The following AKR1D1 variants were observed in gnomAD, a reference collection of about 807,000 sequenced individuals.
AKR1D1 encodes the protein delta(4)-3-ketosteroid 5-beta-reductase.
In AKR1D1, 32 loss-of-function variants were observed where a neutral mutation model predicts 42.6. The ratio of observed to expected loss-of-function variants is 0.75; its 90% confidence interval spans 0.57 to 1.01. AKR1D1 has a LOEUF of 1.01. Ranked by LOEUF, AKR1D1 falls within the 50% of genes least tolerant of loss-of-function variation. The probability of loss-of-function intolerance (pLI) is 0.00; values close to 1 mark genes in which losing one functional copy is unlikely to be tolerated. For synonymous variants in AKR1D1, 123 were observed against 135.5 expected (o/e 0.91, Z 0.64); for missense variants, 364 against 402.2 (o/e 0.91, Z 0.81).
intron 2 of AKR1D1, among the ~76,000 whole-genome samples, chr7:138,090,101 C>CTA (rs1794033530): frequency 6.6e-6 from 1 of 152,140 alleles, no homozygotes; most frequent in Admixed American, 6.5e-5. Context: ...TATCATCAGC[C>CTA]TATGCCCAGG....
intron 1 of AKR1D1, among the ~76,000 whole-genome samples, chr7:138,077,934 G>T (rs893881465): frequency 6.6e-6 from 1 of 152,138 alleles, no homozygotes; most frequent in African/African-American, 2.4e-5. Context: ...GATTACCAAG[G>T]ACCTTGAACA....
chr7:138,108,178 T>C (rs2117465744), intron 7 of AKR1D1, among the ~76,000 whole-genome samples: 1 of 152,324 alleles, frequency 6.6e-6, no homozygotes, highest in South Asian at 2.1e-4. Flanking sequence ...TGCCTTTACT[T>C]CCCTCTATAA....
At chr7:138,080,728 C>T (rs1227124616) in intron 1 of AKR1D1, among the ~76,000 whole-genome samples, 1 of 152,114 alleles carries the variant, frequency 6.6e-6, no homozygotes. Flanking sequence ...TAACAGTGCC[C>T]ACTTCACTTC....
intron 4 of AKR1D1, among the ~76,000 whole-genome samples, chr7:138,103,946 A>G (rs1375280231): frequency 6.6e-6 from 1 of 152,104 alleles, no homozygotes; most frequent in Admixed American, 6.5e-5. Context: ...CCTGGGCAAC[A>G]TAATGAGACC....
At chr7:138,085,838 T>C (rs943662433) in intron 1 of AKR1D1, among the ~76,000 whole-genome samples, 1 of 152,098 alleles carries the variant, frequency 6.6e-6, no homozygotes, top group East Asian at 1.9e-4. Flanking sequence ...CGCATTTGTC[T>C]GGGGCTCCCT....
At chr7:138,080,437 C>T (rs768404008) in intron 1 of AKR1D1, among the ~76,000 whole-genome samples, 1 of 152,162 alleles carries the variant, frequency 6.6e-6, no homozygotes, top group Non-Finnish European at 1.5e-5. Flanking sequence ...GCCTATGTAA[C>T]TTGCCTTTAG....
chr7:138,114,660 CAAAAAA>C (rs34437071), intron 8 of AKR1D1, among the ~76,000 whole-genome samples: 2 of 87,370 alleles, frequency 2.3e-5, no homozygotes, highest in Non-Finnish European at 4.4e-5. Context: ...AACTCCATCT[CAAAAAA>C]AAAAAAAAAA....
chr7:138,091,708 G>A (rs1002353633), intron 2 of AKR1D1, 60 bp from the exon 3 acceptor site: 130 of 1,305,290 alleles, frequency 1.0e-4, no homozygotes, highest in Non-Finnish European at 1.3e-4. Context: ...AGAAAAAGGG[G>A]CTGCCTTATC....
intron 3 of AKR1D1, among the ~76,000 whole-genome samples, chr7:138,094,543 G>A (rs1006569643): frequency 6.6e-6 from 1 of 151,882 alleles, no homozygotes; most frequent in African/African-American, 2.4e-5. Flanking sequence ...GAGTGGGGGG[G>A]CAGTCTTGCT....
chr7:138,090,601 C>T lies in AKR1D1; in HGVS notation c.262-1167C>T, dbSNP rs559640136. ...GCACTAAGCCAAGATCAAGCCACTG[C>T]GCTCCAGCCTCAGCAACACAGCAAG... is the stretch of plus-strand genomic sequence containing the variant. On this transcript the variant is annotated intron_variant, in intron 2 of 8. Coordinates refer to ENST00000242375, the MANE Select transcript of AKR1D1 (RefSeq NM_005989.4). 1.4e-3 allele frequency among the ~76,000 whole-genome samples: 208 copies of T among 149,022 alleles called. 3 individuals carry two copies. The highest frequency in any genetic ancestry group is 6.2e-4 in the Non-Finnish European group (42 of 67,628).
Position 138,091,792 on chromosome 7 carries a change from G to T in AKR1D1, c.286G>T (p.Glu96Ter), listed in dbSNP as rs200313562. ...GCTATGGGCTACAAATCATGTCCCA[G>T]AGATGGTCCGCCCAACCCTGGAGAG... ...GKLWATNHVP[E>*]MVRPTLERTL... The change falls in exon 3 of 9, where the codon GAG (glutamate) becomes TAG (stop). Residue 96 changes from glutamate to a stop codon, truncating the protein, a stop_gained. Transcript: ENST00000242375. LOFTEE classifies it high-confidence loss of function. 6.2e-7 allele frequency: 1 copy of T among 1,613,838 alleles called. No homozygotes were observed. The highest frequency in any genetic ancestry group is 1.6e-4 in the Middle Eastern group (1 of 6,062).
At chr7:138,100,027 A>G (rs1794259473) in intron 4 of AKR1D1, among the ~76,000 whole-genome samples, 2 of 140,556 alleles carry the variant, frequency 1.4e-5, no homozygotes, top group Non-Finnish European at 1.5e-5. Context: ...ACAGTGTGCT[A>G]TAGTCATGCC....
rs59361346 is a variant in AKR1D1 at position 138,100,088 on chromosome 7, C to CAAAAAAAAAAAAAAAAAAAAAAAAAAA, written c.456+2149_456+2175dup. On this transcript the variant is annotated intron_variant, in intron 4 of 8. Coordinates refer to ENST00000242375, the MANE Select transcript of AKR1D1 (RefSeq NM_005989.4). ...TGGGCAATATAGCGAGATTTCATCT[C>CAAAAAAAAAAAAAAAAAAAAAAAAAAA]AAAAAAAAAAAAAAAAAAAAAAAAA... is the stretch of plus-strand genomic sequence containing the variant. Among the ~76,000 whole-genome samples the CAAAAAAAAAAAAAAAAAAAAAAAAAAA allele has an allele frequency of 3.7e-4, 16 of 43,568 alleles. 2 individuals are homozygous for CAAAAAAAAAAAAAAAAAAAAAAAAAAA. The highest frequency in any genetic ancestry group is 4.5e-4 in the Admixed American group (1 of 2,236). The allele number at this position is 43,568 out of a possible 152,430, so 28.6% of individuals were successfully genotyped here.
At chr7:138,081,031 G>A (rs1803044499) in intron 1 of AKR1D1, among the ~76,000 whole-genome samples, 1 of 152,178 alleles carries the variant, frequency 6.6e-6, no homozygotes, top group Non-Finnish European at 1.5e-5. Flanking sequence ...CTAAAGCACT[G>A]CTGTCTCTTT....
intron 6 of AKR1D1, 153 bp from the exon 7 acceptor site, chr7:138,107,261 TG>T: frequency 1.2e-6 from 1 of 827,354 alleles, no homozygotes; most frequent in Non-Finnish European, 2.1e-6. Flanking sequence ...CTCCATTCAG[TG>T]CATACTCTGC....
chr7:138,102,647 T>C lies in AKR1D1; in HGVS notation c.457-2660T>C, dbSNP rs1488518756. Among the ~76,000 whole-genome samples the C allele has an allele frequency of 2.0e-5, 3 of 152,212 alleles. No homozygotes were observed. The South Asian group carries it at 6.2e-4, about 31-fold the overall frequency. On this transcript the variant is annotated intron_variant, in intron 4 of 8. Transcript: ENST00000242375. ...TATTAGAATCATGACAGTGCCATAT[T>C]AGCATAAAGAGGAACATATAGATCA...
At chr7:138,098,179 A>G in intron 4 of AKR1D1, 1 of 486,248 alleles carries the variant, frequency 2.1e-6, no homozygotes, top group East Asian at 3.3e-5. Context: ...GTGGAAGGAA[A>G]AACAGTGTAA....
rs766722241 is a variant in AKR1D1 at position 138,105,321 on chromosome 7, C to CAAAG, written c.473_476dup (p.Asp159GlufsTer15). The CAAAG allele has an allele frequency of 7.2e-5, 116 of 1,614,014 alleles. No homozygotes were observed. The highest frequency in any genetic ancestry group is 9.2e-5 in the Non-Finnish European group (109 of 1,180,020). On this transcript the variant is annotated frameshift_variant, in exon 5 of 9. Coordinates refer to ENST00000242375, the MANE Select transcript of AKR1D1 (RefSeq NM_005989.4). LOFTEE classifies it high-confidence loss of function. ...TTACTCTACAGGCGATGGAAGCTTGCAAAGACGCTGGCTTGGTGAAATCCC... is the reference window on the plus strand; with the variant it reads ...TTACTCTACAGGCGATGGAAGCTTGCAAAGAAAGACGCTGGCTTGGTGAAATCCC...
intron 1 of AKR1D1, among the ~76,000 whole-genome samples, chr7:138,088,170 T>C (rs1793975869): frequency 2.0e-5 from 3 of 152,130 alleles, no homozygotes; most frequent in Admixed American, 2.0e-4. Context: ...GGATTACAGG[T>C]GTGAGCCACC....
Sources: gnomAD v4.1 joint callset for allele counts (sites outside exome capture counted in the v4.1 genomes callset) on GRCh38, gnomAD v4.1.1 for gene constraint, MANE v1.5 for transcripts, NCBI Gene and HGNC (gene_info 2026-07-23, HGNC 2026-07-21) for gene names.